Variants in ROBO2 observed in about 807,000 individuals in gnomAD.
ROBO2 encodes the protein roundabout homolog 2.
Under a neutral mutation model 160.8 loss-of-function variants are expected in ROBO2, and 53 were observed. That is an observed-to-expected ratio of 0.33 (90% CI 0.26 to 0.41). The LOEUF (loss-of-function observed/expected upper bound fraction) is 0.41. Ranked by LOEUF, ROBO2 falls within the 10% of genes least tolerant of loss-of-function variation. ROBO2 has a pLI of 1.00. For missense variants in ROBO2, 1,577 were observed against 1,722.4 expected (o/e 0.92, Z 1.49); for synonymous variants, 664 against 611.7 (o/e 1.09, Z -1.26).
intron 2 of ROBO2, among the ~76,000 whole-genome samples, chr3:76,314,828 G>A (rs1201962842): frequency 6.6e-6 from 1 of 152,062 alleles, no homozygotes; most frequent in African/African-American, 2.4e-5. Context: ...GTTAAGTTTT[G>A]GGGAAGTCAA....
intron 2 of ROBO2, among the ~76,000 whole-genome samples, chr3:77,248,533 C>T (rs867684603): frequency 3.9e-5 from 6 of 152,162 alleles, no homozygotes; most frequent in South Asian, 2.1e-4. Context: ...TCGCGAGCAC[C>T]CCCCTGGAGG....
chr3:77,201,042 C>G (rs2082862773), intron 2 of ROBO2, among the ~76,000 whole-genome samples: 1 of 152,220 alleles, frequency 6.6e-6, no homozygotes, highest in Non-Finnish European at 1.5e-5. Flanking sequence ...GAAGCTCCTA[C>G]TAGGTGTTCA....
chr3:77,230,178 C>T (rs559510635), intron 2 of ROBO2, among the ~76,000 whole-genome samples: 1 of 152,150 alleles, frequency 6.6e-6, no homozygotes, highest in South Asian at 2.1e-4. Flanking sequence ...GCCTGGATCT[C>T]CTATACTCAA....
intron 22 of ROBO2, among the ~76,000 whole-genome samples, chr3:77,619,197 A>G (rs1417406394): frequency 6.6e-6 from 1 of 152,156 alleles, no homozygotes; most frequent in Non-Finnish European, 1.5e-5. Context: ...CAACATTTAT[A>G]TGCTATAGTT....
At chr3:76,198,830 A>T (rs142716911) in intron 2 of ROBO2, among the ~76,000 whole-genome samples, 1 of 152,230 alleles carries the variant, frequency 6.6e-6, no homozygotes, top group Non-Finnish European at 1.5e-5. Context: ...CACCTATGAC[A>T]TGTAAGCCCC....
intron 2 of ROBO2, among the ~76,000 whole-genome samples, chr3:77,449,789 C>T (rs570338812): frequency 2.0e-5 from 3 of 152,128 alleles, no homozygotes; most frequent in South Asian, 2.1e-4. Context: ...TAGTGTCTCT[C>T]ACAGTGAGCA....
intron 2 of ROBO2, among the ~76,000 whole-genome samples, chr3:76,544,157 T>C (rs1435906444): frequency 6.6e-6 from 1 of 152,044 alleles, no homozygotes; most frequent in East Asian, 1.9e-4. Flanking sequence ...GCTCAGTTTC[T>C]TCATGTCCTA....
chr3:76,157,581 G>A (rs557134286), intron 2 of ROBO2, among the ~76,000 whole-genome samples: 9 of 152,212 alleles, frequency 5.9e-5, no homozygotes, highest in African/African-American at 2.2e-4. Context: ...GAGAGAAGTG[G>A]TGGTTCTCAT....
At chr3:77,437,048 G>A (rs2079366006) in intron 2 of ROBO2, among the ~76,000 whole-genome samples, 2 of 151,840 alleles carry the variant, frequency 1.3e-5, no homozygotes, top group Non-Finnish European at 1.5e-5. Flanking sequence ...ATGACAAATG[G>A]AATTCATGCA....
rs374448143 is a variant in ROBO2, at chr3:76,578,372, G to A, written c.110-519642G>A. ...TGGGTCTCTACTCATTTTCTCAGTC[G>A]AGCTTCCCAATAAAATTGTCTACAC... On this transcript the variant is annotated intron_variant, in intron 2 of 26. Coordinates refer to the ROBO2 transcript ENST00000487694. Among the ~76,000 whole-genome samples the A allele has an allele frequency of 2.6e-4, 39 of 152,012 alleles. No homozygotes were observed. The South Asian group carries it at 7.9e-3, about 31-fold the overall frequency.
intron 2 of ROBO2, among the ~76,000 whole-genome samples, chr3:76,394,191 C>T (rs1304831431): frequency 6.6e-6 from 1 of 152,048 alleles, no homozygotes; most frequent in Non-Finnish European, 1.5e-5. Flanking sequence ...GGTTATTTTG[C>T]TCGTTAGTTG....
At chr3:75,923,365 T>C (rs1235230030) in intron 1 of ROBO2, among the ~76,000 whole-genome samples, 3 of 152,240 alleles carry the variant, frequency 2.0e-5, no homozygotes, top group African/African-American at 7.2e-5. Context: ...TTCCCAAATA[T>C]GTTTCTGCAT....
intron 2 of ROBO2, among the ~76,000 whole-genome samples, chr3:76,117,491 T>G (rs551111047): frequency 3.3e-5 from 5 of 152,150 alleles, no homozygotes; most frequent in Non-Finnish European, 5.9e-5. Context: ...AATGTCTCTG[T>G]GTATGTCAAT....
intron 2 of ROBO2, among the ~76,000 whole-genome samples, chr3:76,986,080 T>A (rs2060363808): frequency 6.6e-6 from 1 of 152,234 alleles, no homozygotes; most frequent in Non-Finnish European, 1.5e-5. Flanking sequence ...TTTTTGAAAC[T>A]TCATATGTTA....
chr3:76,469,059 T>A (rs1023257461), intron 2 of ROBO2, among the ~76,000 whole-genome samples: 5 of 152,132 alleles, frequency 3.3e-5, no homozygotes, highest in African/African-American at 1.2e-4. Context: ...AGCAGTCATT[T>A]TTTTTACTTC....
chr3:77,225,404 T>A (rs1468862457), intron 2 of ROBO2, among the ~76,000 whole-genome samples: 1 of 151,968 alleles, frequency 6.6e-6, no homozygotes, highest in East Asian at 1.9e-4. Flanking sequence ...AAAGCCCCTT[T>A]TCATTCCTTC....
At chr3:77,332,114 A>G (rs1301011270) in intron 2 of ROBO2, among the ~76,000 whole-genome samples, 1 of 152,194 alleles carries the variant, frequency 6.6e-6, no homozygotes, top group Admixed American at 6.5e-5. Flanking sequence ...CACAGCAAAA[A>G]TTCCATATGA....
At chr3:76,722,061 G>A (rs1333582160) in intron 2 of ROBO2, among the ~76,000 whole-genome samples, 2 of 152,140 alleles carry the variant, frequency 1.3e-5, no homozygotes, top group African/African-American at 4.8e-5. Flanking sequence ...TAATGCCTCT[G>A]GAAATGTTTC....
intron 2 of ROBO2, among the ~76,000 whole-genome samples, chr3:76,098,525 A>G (rs2069546614): frequency 6.7e-6 from 1 of 149,898 alleles, no homozygotes; most frequent in East Asian, 1.9e-4. Context: ...GATCTATACT[A>G]TTAAGATCAT....
Sources: gnomAD v4.1 joint callset for allele counts (sites outside exome capture counted in the v4.1 genomes callset) on GRCh38, gnomAD v4.1.1 for gene constraint, MANE v1.5 for transcripts, NCBI Gene and HGNC (gene_info 2026-07-23, HGNC 2026-07-21) for gene names.